The following ARNT2 variants were observed in gnomAD, a reference collection of about 807,000 sequenced individuals.
The protein encoded by ARNT2 is aryl hydrocarbon receptor nuclear translocator 2.
In ARNT2, 36 loss-of-function variants were observed where a neutral mutation model predicts 91.7. The observed-to-expected ratio is 0.39, with a 90% CI of 0.30 to 0.52. The LOEUF (loss-of-function observed/expected upper bound fraction) is 0.52, where lower values mean the gene tolerates loss of function less well. Among genes scored for constraint, ARNT2 ranks in the 20% least tolerant of loss-of-function variants. The probability of loss-of-function intolerance (pLI) is 0.72; values close to 1 mark genes in which losing one functional copy is unlikely to be tolerated. For missense variants in ARNT2, 775 were observed against 939.3 expected (o/e 0.83, Z 2.29); for synonymous variants, 365 against 347.1 (o/e 1.05, Z -0.57).
At chr15:80,460,457 C>T (rs1487155916) in intron 3 of ARNT2, among the ~76,000 whole-genome samples, 1 of 152,320 alleles carries the variant, frequency 6.6e-6, no homozygotes, top group South Asian at 2.1e-4. Flanking sequence ...CACAAGCACG[C>T]ACATGCACAC....
chr15:80,573,246 T>C (rs1463922010), intron 12 of ARNT2, among the ~76,000 whole-genome samples: 1 of 152,284 alleles, frequency 6.6e-6, no homozygotes, highest in African/African-American at 2.4e-5. Context: ...ATTATTTTAA[T>C]GGCAAAATGT....
At position 80,470,243 on chromosome 15, in the gene ARNT2, C is replaced by T. The variant is rs1211454281; in HGVS notation, c.220C>T (p.Arg74Cys). ...AGAGAATCATAGTGAAATCGAAAGGCGCAGACGGAACAAGATGACTCAGTA... is the reference window on the plus strand; with the variant it reads ...AGAGAATCATAGTGAAATCGAAAGGTGCAGACGGAACAAGATGACTCAGTA... ...SRENHSEIER[R>C]RRNKMTQYIT... Residue 74 changes from arginine (R) to cysteine (C), a missense_variant, in exon 4 of 19, where the codon CGC becomes TGC. By Grantham distance (180) the Arg-to-Cys change is radical. Transcript: ENST00000303329. 1.2e-6 allele frequency: 2 copies of T among 1,614,128 alleles called. No homozygotes were observed. The highest frequency in any genetic ancestry group is 1.7e-6 in the Non-Finnish European group (2 of 1,180,014).
At position 80,565,216 on chromosome 15, in the gene ARNT2, T is replaced by C. The variant is rs145586412; in HGVS notation, c.1316+1977T>C. Among the ~76,000 whole-genome samples the C allele has an allele frequency of 1.0e-3, 155 of 152,342 alleles. 1 individual carries two copies. In the East Asian group the frequency reaches 0.029, roughly 29 times the overall value. On this transcript the variant is annotated intron_variant, in intron 12 of 18. Coordinates refer to ENST00000303329, the MANE Select transcript of ARNT2 (RefSeq NM_014862.4). ...CTGGGATTACAGGTGTGAGCCACCA[T>C]GCCCAGCCCACGTTTTCTTTATTCA...
At chr15:80,440,522 G>A (rs548820653) in intron 1 of ARNT2, among the ~76,000 whole-genome samples, 3 of 152,336 alleles carry the variant, frequency 2.0e-5, no homozygotes, top group African/African-American at 7.2e-5. Flanking sequence ...GGGAACATGG[G>A]GAGTGACACC....
At position 80,470,386 on chromosome 15, in the gene ARNT2, C is replaced by T; in HGVS notation, c.363C>T (p.Asn121=). 6.2e-7 allele frequency: 1 copy of T among 1,614,198 alleles called. No homozygotes were observed. The highest frequency in any genetic ancestry group is 8.5e-7 in the Non-Finnish European group (1 of 1,180,052). The change falls in exon 4 of 19, where the codon AAC becomes AAT. Residue 121 remains asparagine (N), a synonymous_variant. Transcript: ENST00000303329. ...SHMKSMRGTG[N]KSTDGAYKPS... is the part of the protein sequence containing the mutation. ...TGAAGTCCATGAGGGGTACAGGGAACAAGTCCACCGATGGCGCGTACAAGC... is the reference window on the plus strand; with the variant it reads ...TGAAGTCCATGAGGGGTACAGGGAATAAGTCCACCGATGGCGCGTACAAGC...
At chr15:80,563,823 C>A (rs1410261003) in intron 12 of ARNT2, among the ~76,000 whole-genome samples, 1 of 152,230 alleles carries the variant, frequency 6.6e-6, no homozygotes, top group Admixed American at 6.5e-5. Flanking sequence ...TAGCAGACCT[C>A]ACACCACTTC....
chr15:80,491,026 A>T (rs1897049504), intron 5 of ARNT2, among the ~76,000 whole-genome samples: 1 of 152,194 alleles, frequency 6.6e-6, no homozygotes, highest in African/African-American at 2.4e-5. Flanking sequence ...AAAGCTGAAA[A>T]TGGAAGGACA....
chr15:80,444,188 C>T (rs1358019312), intron 1 of ARNT2: 1 of 153,002 alleles, frequency 6.5e-6, no homozygotes, highest in Non-Finnish European at 1.5e-5. Flanking sequence ...GATGACTTGT[C>T]CAGGATCCCT....
At chr15:80,494,005 A>G (rs571530728) in intron 5 of ARNT2, among the ~76,000 whole-genome samples, 5 of 152,164 alleles carry the variant, frequency 3.3e-5, no homozygotes, top group Non-Finnish European at 5.9e-5. Flanking sequence ...TGCTTCTGCC[A>G]TGATGCTTCC....
intron 3 of ARNT2, among the ~76,000 whole-genome samples, chr15:80,468,297 C>T (rs560961664): frequency 3.2e-4 from 48 of 152,168 alleles, no homozygotes; most frequent in Middle Eastern, 3.4e-3. Flanking sequence ...GAACCTCTCC[C>T]GCAACCTGCA....
intron 1 of ARNT2, among the ~76,000 whole-genome samples, chr15:80,425,283 A>G (rs1209545619): frequency 6.6e-6 from 1 of 152,216 alleles, no homozygotes; most frequent in Non-Finnish European, 1.5e-5. Flanking sequence ...TGTTTCTGCA[A>G]GTATGGCTCC....
chr15:80,496,645 G>T (rs1307709136), intron 5 of ARNT2, among the ~76,000 whole-genome samples: 1 of 152,168 alleles, frequency 6.6e-6, no homozygotes, highest in Non-Finnish European at 1.5e-5. Flanking sequence ...AGTGGCCCAG[G>T]TTACTAGGGG....
chr15:80,543,591 C>T, intron 8 of ARNT2, among the ~76,000 whole-genome samples: 1 of 152,172 alleles, frequency 6.6e-6, no homozygotes, highest in East Asian at 1.9e-4. Flanking sequence ...TATTAGGCCA[C>T]TTGAAGTTTT....
At chr15:80,420,807 T>C (rs1895850691) in intron 1 of ARNT2, among the ~76,000 whole-genome samples, 1 of 152,184 alleles carries the variant, frequency 6.6e-6, no homozygotes, top group Admixed American at 6.5e-5. Flanking sequence ...TAATCACTCC[T>C]GGGATGGTTG....
At position 80,591,695 on chromosome 15, in the gene ARNT2, A is replaced by G. The variant is rs755331964; in HGVS notation, c.2046A>G (p.Glu682=). Residue 682 remains glutamate, a synonymous_variant, in exon 18 of 19, where the codon GAA becomes GAG. Transcript: ENST00000303329. The surrounding 1 kb of genome is among the most constrained non-coding windows in gnomAD (Gnocchi z 5.1). The part of the protein sequence containing the change: ...QHSHQQPGQT[E]VFQDMLPMPG... ...CCCACCAGCAGCCCGGTCAGACTGA[A>G]GTGTTCCAGGTAAATCGAGCGAGCA... The G allele has an allele frequency of 7.4e-6, 12 of 1,614,018 alleles. No individual in the cohort carries two copies. In the East Asian group the frequency reaches 2.5e-4, roughly 33 times the overall value.
intron 6 of ARNT2, among the ~76,000 whole-genome samples, chr15:80,509,064 C>A (rs983416331): frequency 2.6e-5 from 4 of 152,140 alleles, no homozygotes; most frequent in Non-Finnish European, 5.9e-5. Context: ...ACTCATCATT[C>A]ATTTATTTAG....
intron 12 of ARNT2, 21 bp downstream of exon 12, chr15:80,563,260 C>T (rs200026422): frequency 1.9e-6 from 3 of 1,613,688 alleles, no homozygotes; most frequent in South Asian, 2.2e-5. Context: ...TGCCATTTCC[C>T]TCTCCTGGAA....
At position 80,593,754 on chromosome 15, in the gene ARNT2, GC is replaced by G; in HGVS notation, c.*59del. ...GTGCCACCCATACTGTGATGTCGAT[GC>G]CCATGTGAATGAGGCCCACCCTCGC... is the stretch of plus-strand genomic sequence containing the variant. On this transcript the variant is annotated 3_prime_UTR_variant, in exon 19 of 19. Coordinates refer to ENST00000303329, the MANE Select transcript of ARNT2 (RefSeq NM_014862.4). 6.7e-7 allele frequency: 1 copy of G among 1,497,300 alleles called. No homozygotes were observed. 92.8% of individuals were successfully genotyped at this position (1,497,300 alleles called of 1,614,324 possible).
intron 17 of ARNT2, 64 bp downstream of exon 17, chr15:80,581,468 G>C (rs1410958287): frequency 6.3e-7 from 1 of 1,593,976 alleles, no homozygotes; most frequent in East Asian, 2.2e-5. Context: ...TGAACAGCCT[G>C]AATTCAGGAG....
Sources: gnomAD v4.1 joint callset for allele counts (sites outside exome capture counted in the v4.1 genomes callset) on GRCh38, gnomAD v4.1.1 for gene constraint, Gnocchi (gnomAD v3.1) non-coding constraint, MANE v1.5 for transcripts, NCBI Gene and HGNC (gene_info 2026-07-23, HGNC 2026-07-21) for gene names.